RIT2: variants seen among roughly 807,000 people sequenced by gnomAD.
RIT2 encodes GTP-binding protein Rit2.
In RIT2, 24 loss-of-function variants were observed where a neutral mutation model predicts 23.7. The observed-to-expected ratio is 1.01, with a 90% CI of 0.73 to 1.43. RIT2 has a LOEUF of 1.43. Ranked by LOEUF, RIT2 falls within the 40% of genes most tolerant of loss-of-function variation. The pLI is 0.00. For synonymous variants in RIT2, 107 were observed against 91.1 expected, an observed-to-expected ratio of 1.17 and a Z score of -0.99; for missense variants, 236 against 266.9, an observed-to-expected ratio of 0.88 and a Z score of 0.81.
At chr18:43,075,124 T>C (rs1170037929) in intron 1 of RIT2, among the ~76,000 whole-genome samples, 3 of 152,194 alleles carry the variant, frequency 2.0e-5, no homozygotes, top group Non-Finnish European at 4.4e-5. Context: ...TCTTAAATTA[T>C]TTATTATTTT....
intron 4 of RIT2, among the ~76,000 whole-genome samples, chr18:42,873,161 T>C (rs1305936951): frequency 1.3e-5 from 2 of 152,168 alleles, no homozygotes; most frequent in African/African-American, 4.8e-5. Flanking sequence ...TGCTGTTTAA[T>C]AAAATAAATT....
intron 4 of RIT2, among the ~76,000 whole-genome samples, chr18:42,915,282 G>GA (rs1908878008): frequency 6.6e-6 from 1 of 151,940 alleles, no homozygotes; most frequent in South Asian, 2.1e-4. Flanking sequence ...GGATACCTGG[G>GA]AAAGGGTATA....
At chr18:42,850,470 C>T (rs983047704) in intron 4 of RIT2, among the ~76,000 whole-genome samples, 1 of 152,056 alleles carries the variant, frequency 6.6e-6, no homozygotes, top group African/African-American at 2.4e-5. Context: ...TGTTAATAGC[C>T]TTTACGCATG....
intron 3 of RIT2, among the ~76,000 whole-genome samples, chr18:42,952,334 C>T (rs968943898): frequency 6.6e-6 from 1 of 152,026 alleles, no homozygotes; most frequent in African/African-American, 2.4e-5. Context: ...AATAGTCAAA[C>T]TTTATAGAAG....
chr18:42,967,114 T>G (rs541352500), intron 3 of RIT2, among the ~76,000 whole-genome samples: 2 of 152,190 alleles, frequency 1.3e-5, no homozygotes, highest in Admixed American at 1.3e-4. Flanking sequence ...GAAAAAACTT[T>G]TTGTGAAAAA....
At chr18:43,018,526 A>G (rs570233325) in intron 2 of RIT2, among the ~76,000 whole-genome samples, 1 of 152,084 alleles carries the variant, frequency 6.6e-6, no homozygotes, top group South Asian at 2.1e-4. Flanking sequence ...ACAGCAAGAG[A>G]AAAATATCTA....
intron 2 of RIT2, among the ~76,000 whole-genome samples, chr18:43,007,878 AT>A (rs2144250372): frequency 6.6e-6 from 1 of 151,862 alleles, no homozygotes; most frequent in African/African-American, 2.4e-5. Flanking sequence ...TGGTCATTTC[AT>A]TTTATAAAAA....
At chr18:42,959,596 C>A (rs952891650) in intron 3 of RIT2, among the ~76,000 whole-genome samples, 5 of 152,046 alleles carry the variant, frequency 3.3e-5, no homozygotes, top group Non-Finnish European at 7.4e-5. Context: ...AATGGAGGGC[C>A]CAGGCTAGTA....
intron 1 of RIT2, among the ~76,000 whole-genome samples, chr18:43,089,159 A>T (rs62090493): frequency 0.09 from 13,673 of 152,082 alleles, 698 homozygotes; most frequent in East Asian, 0.18. Flanking sequence ...AGAAAGTCAA[A>T]CTACTCCTGT....
At chr18:42,799,544 T>C (rs924432028) in intron 4 of RIT2, among the ~76,000 whole-genome samples, 1 of 152,188 alleles carries the variant, frequency 6.6e-6, no homozygotes, top group Non-Finnish European at 1.5e-5. Flanking sequence ...GCTTCCTTAA[T>C]CTATTTTCCT....
intron 1 of RIT2, among the ~76,000 whole-genome samples, chr18:43,106,628 C>A (rs139128298): frequency 0.011 from 1,748 of 152,256 alleles, 36 homozygotes; most frequent in African/African-American, 0.039. Flanking sequence ...CCCAGTCCCC[C>A]ACTCCCCCTT....
chr18:42,975,239 G>A (rs767475508), intron 2 of RIT2, among the ~76,000 whole-genome samples: 1 of 152,008 alleles, frequency 6.6e-6, no homozygotes, highest in Non-Finnish European at 1.5e-5. Flanking sequence ...GATGTAGAAT[G>A]TTATCAAAAG....
chr18:43,084,418 A>G (rs1430884043), intron 1 of RIT2, among the ~76,000 whole-genome samples: 1 of 152,218 alleles, frequency 6.6e-6, no homozygotes, highest in African/African-American at 2.4e-5. Flanking sequence ...TCATTCTACT[A>G]TAAAGACACA....
intron 4 of RIT2, among the ~76,000 whole-genome samples, chr18:42,784,300 G>C (rs1041424759): frequency 4.6e-5 from 7 of 150,966 alleles, no homozygotes; most frequent in African/African-American, 1.7e-4. Flanking sequence ...ATCTTAAAAT[G>C]AAATGAAAGA....
intron 4 of RIT2, among the ~76,000 whole-genome samples, chr18:42,757,232 A>G (rs1913184777): frequency 6.6e-6 from 1 of 152,216 alleles, no homozygotes; most frequent in Non-Finnish European, 1.5e-5. Flanking sequence ...TTTCATTAAC[A>G]TATCTGTGCA....
intron 4 of RIT2, among the ~76,000 whole-genome samples, chr18:42,840,770 G>C (rs1906745022): frequency 6.6e-6 from 1 of 152,160 alleles, no homozygotes; most frequent in Non-Finnish European, 1.5e-5. Context: ...CAAAGTGCTG[G>C]GGTTATAGGC....
At chr18:42,956,612 A>G (rs1187198960) in intron 3 of RIT2, among the ~76,000 whole-genome samples, 1 of 152,158 alleles carries the variant, frequency 6.6e-6, no homozygotes, top group Non-Finnish European at 1.5e-5. Flanking sequence ...TCTGTGGTCA[A>G]ATTGCCTGTT....
chr18:43,036,540 C>A (rs1456744232), intron 1 of RIT2, among the ~76,000 whole-genome samples: 1 of 151,892 alleles, frequency 6.6e-6, no homozygotes, highest in Non-Finnish European at 1.5e-5. Flanking sequence ...ACTCCATCCC[C>A]CGCTACCTCC....
At chr18:43,033,760 T>A in intron 2 of RIT2, 51 bp downstream of exon 2, 3 of 1,250,390 alleles carry the variant, frequency 2.4e-6, no homozygotes, top group Non-Finnish European at 2.3e-6. Context: ...TCAAGCCACT[T>A]AGTCACAGTG....
Sources: allele counts gnomAD v4.1 joint callset (sites outside exome capture counted in the v4.1 genomes callset), GRCh38; gene constraint gnomAD v4.1.1; transcripts MANE v1.5; gene names NCBI Gene and HGNC (gene_info 2026-07-23, HGNC 2026-07-21).